Variants in PUS1 observed in about 807,000 individuals in gnomAD.
PUS1 encodes the protein pseudouridylate synthase 1 homolog.
Under a neutral mutation model 38.5 loss-of-function variants are expected in PUS1, and 25 were observed. The ratio of observed to expected loss-of-function variants is 0.65; its 90% confidence interval spans 0.47 to 0.91. The LOEUF is 0.91. PUS1 is among the 40% of genes least tolerant of loss of function. The probability of loss-of-function intolerance (pLI) is 0.00; values close to 1 mark genes in which losing one functional copy is unlikely to be tolerated. For missense variants in PUS1, 597 were observed against 612.3 expected, an observed-to-expected ratio of 0.97 and a Z score of 0.26; for synonymous variants, 282 against 260.4, an observed-to-expected ratio of 1.08 and a Z score of -0.80.
intron 2 of PUS1, among the ~76,000 whole-genome samples, chr12:131,930,720 C>A (rs755563440): frequency 2.0e-5 from 3 of 152,140 alleles, no homozygotes; most frequent in Non-Finnish European, 4.4e-5. Flanking sequence ...ACCTCCTGGG[C>A]TCAAGAGATC....
chr12:131,942,589 G>C (rs560178610), intron 5 of PUS1, among the ~76,000 whole-genome samples: 2 of 152,086 alleles, frequency 1.3e-5, no homozygotes, highest in Non-Finnish European at 2.9e-5. Flanking sequence ...TGTATTTTTA[G>C]TAGAGATGGG....
chr12:131,935,685 C>T (rs1010968703), intron 3 of PUS1, among the ~76,000 whole-genome samples: 1 of 151,986 alleles, frequency 6.6e-6, no homozygotes, highest in African/African-American at 2.4e-5. Flanking sequence ...AGGCATGCGT[C>T]ACCACGCCCG....
chr12:131,937,256 TTAA>T (rs1890871920), intron 3 of PUS1, among the ~76,000 whole-genome samples: 1 of 152,256 alleles, frequency 6.6e-6, no homozygotes, highest in Admixed American at 6.5e-5. Context: ...GCCATGATTC[TTAA>T]TAATGCCACA....
At chr12:131,934,099 T>A (rs1355626819) in intron 3 of PUS1, among the ~76,000 whole-genome samples, 1 of 152,246 alleles carries the variant, frequency 6.6e-6, no homozygotes. Context: ...TCAAAGACTT[T>A]AATACTTTCA....
intron 2 of PUS1, among the ~76,000 whole-genome samples, chr12:131,930,931 G>A (rs2136430780): frequency 6.6e-6 from 1 of 152,248 alleles, no homozygotes; most frequent in Non-Finnish European, 1.5e-5. Flanking sequence ...CCTGTGTTGT[G>A]ATTACAGGCA....
At position 131,944,881 on chromosome 12, in the gene PUS1, C is replaced by G. The variant is rs377677790; in HGVS notation, c.*1295C>G. ...TAGCTGCAAGGGAGGCTGGGGAAGA[C>G]TGCTTTTGAAGTGGCGCTTAGCGTG... is the stretch of plus-strand genomic sequence containing the variant. On this transcript the variant is annotated 3_prime_UTR_variant, in exon 6 of 6. Coordinates refer to ENST00000376649, the MANE Select transcript of PUS1 (RefSeq NM_025215.6). 9 of 152,342 alleles carry G rather than the reference C, an allele frequency of 5.9e-5. No individual in the cohort carries two copies. The East Asian group carries it at 9.6e-4, about 16-fold the overall frequency. 9.4% of individuals were successfully genotyped at this position (152,342 alleles called of 1,614,324 possible). A position where few individuals can be genotyped will look rare whatever the true frequency, so the allele number is the denominator to read the frequency against.
Position 131,943,890 on chromosome 12 carries a change from TA to T in PUS1, c.*306del. The T allele has an allele frequency of 2.6e-6, 1 of 384,828 alleles. No individual in the cohort carries two copies. Among genetic ancestry groups the T allele is most frequent in the South Asian group, 2.2e-5 (1 of 45,764 alleles). The allele number at this position is 384,828 out of a possible 1,614,324, so 23.8% of individuals were successfully genotyped here. A position where few individuals can be genotyped will look rare whatever the true frequency, so the allele number is the denominator to read the frequency against. On this transcript the variant is annotated 3_prime_UTR_variant, in exon 6 of 6. Coordinates refer to ENST00000376649, the MANE Select transcript of PUS1 (RefSeq NM_025215.6). ...GGTTTGCCTTTTTCTTAGTCTTTTT[TA>T]ACATTTTTTTCGTCCACAGAGATGA...
At chr12:131,933,625 T>C (rs1316746557) in intron 3 of PUS1, among the ~76,000 whole-genome samples, 3 of 152,126 alleles carry the variant, frequency 2.0e-5, no homozygotes, top group East Asian at 1.9e-4. Context: ...TGGAAGCACA[T>C]GCCAAGTGGT....
Position 131,932,396 on chromosome 12 carries a change from T to G in PUS1, c.441+84T>G. On this transcript the variant is annotated intron_variant, in intron 3 of 5. Transcript: ENST00000376649. Reference sequence around the variant, plus strand: ...TCCAGCTCAGTGTTCTGGCTTGTTATGCTGTTTCTGAGCACATAATGATGT... The same window carrying G: ...TCCAGCTCAGTGTTCTGGCTTGTTAGGCTGTTTCTGAGCACATAATGATGT... 4.1e-6 allele frequency: 6 copies of G among 1,472,876 alleles called. No homozygotes were observed. In the South Asian group the frequency reaches 7.0e-5, roughly 17 times the overall value. 91.2% of individuals were successfully genotyped at this position (1,472,876 alleles called of 1,614,324 possible). A position where few individuals can be genotyped will look rare whatever the true frequency, so the allele number is the denominator to read the frequency against.
chr12:131,929,860 C>T, intron 1 of PUS1, 47 bp from the exon 2 acceptor site: 2 of 1,472,108 alleles, frequency 1.4e-6, no homozygotes, highest in Non-Finnish European at 9.0e-7. Context: ...CCAGTCCACC[C>T]CGCGCGGTGC....
At chr12:131,942,284 T>C (rs1014004623) in intron 5 of PUS1, among the ~76,000 whole-genome samples, 2 of 152,212 alleles carry the variant, frequency 1.3e-5, no homozygotes, top group Non-Finnish European at 2.9e-5. Context: ...CTGCGGAATG[T>C]AGCTTAGAAC....
chr12:131,934,715 G>A (rs1159126352), intron 3 of PUS1: 1 of 152,220 alleles, frequency 6.6e-6, no homozygotes, highest in Non-Finnish European at 1.5e-5. Flanking sequence ...GGCAGACGGG[G>A]ACAGCAGAGC....
chr12:131,934,336 G>A (rs1328527326), intron 3 of PUS1, among the ~76,000 whole-genome samples: 1 of 152,204 alleles, frequency 6.6e-6, no homozygotes, highest in African/African-American at 2.4e-5. Flanking sequence ...TTGCCGGTCT[G>A]TGAAGTAACA....
intron 3 of PUS1, 111 bp from the exon 4 acceptor site, chr12:131,939,062 C>A: frequency 1.3e-6 from 1 of 769,708 alleles, no homozygotes; most frequent in East Asian, 2.7e-5. Context: ...TTTTTAACAG[C>A]TGAATTCATG....
At chr12:131,933,038 A>C (rs1217499626) in intron 3 of PUS1, among the ~76,000 whole-genome samples, 1 of 152,044 alleles carries the variant, frequency 6.6e-6, no homozygotes, top group East Asian at 1.9e-4. Flanking sequence ...CTCACTCACT[A>C]TCACGAGAAC....
intron 2 of PUS1, chr12:131,931,865 A>C (rs1471642674): frequency 1.7e-6 from 1 of 581,958 alleles, no homozygotes; most frequent in Admixed American, 3.0e-5. Flanking sequence ...TTTTTTTTAA[A>C]GTATAGGTAG....
chr12:131,942,656 T>G (rs1776385073), intron 5 of PUS1, among the ~76,000 whole-genome samples: 1 of 152,160 alleles, frequency 6.6e-6, no homozygotes, highest in Admixed American at 6.5e-5. Context: ...TCCACCCGCC[T>G]TGGCCTCCCA....
Position 131,929,943 on chromosome 12 carries a change from C to T in PUS1, c.111C>T (p.Pro37=), listed in dbSNP as rs543944505. 40 of 1,493,090 alleles carry T rather than the reference C, an allele frequency of 2.7e-5. No individual in the cohort carries two copies. In the Middle Eastern group the frequency reaches 6.3e-4, roughly 23 times the overall value. The allele number at this position is 1,493,090 out of a possible 1,614,324, so 92.5% of individuals were successfully genotyped here. A position where few individuals can be genotyped will look rare whatever the true frequency, so the allele number is the denominator to read the frequency against. The change falls in exon 2 of 6, where the codon CCC becomes CCT. Residue 37 remains proline (P), a synonymous_variant. Transcript: ENST00000376649. The part of the protein sequence containing the change: ...PRMAGNAEPP[P]AGAACPQDRR... Reference sequence around the variant, plus strand: ...TGGCCGGGAACGCGGAGCCGCCGCCCGCCGGAGCCGCATGCCCCCAGGACC... The same window carrying T: ...TGGCCGGGAACGCGGAGCCGCCGCCTGCCGGAGCCGCATGCCCCCAGGACC...
intron 2 of PUS1, among the ~76,000 whole-genome samples, chr12:131,930,758 G>C (rs1342598062): frequency 6.6e-6 from 1 of 151,994 alleles, no homozygotes; most frequent in East Asian, 1.9e-4. Flanking sequence ...CGAACATCGA[G>C]GGCTGTAAGT....
Sources: gnomAD v4.1 joint callset for allele counts (sites outside exome capture counted in the v4.1 genomes callset) on GRCh38, gnomAD v4.1.1 for gene constraint, MANE v1.5 for transcripts, NCBI Gene and HGNC (gene_info 2026-07-23, HGNC 2026-07-21) for gene names.